MICAL3: variants seen among roughly 807,000 people sequenced by gnomAD.
MICAL3 encodes microtubule associated monooxygenase, calponin and LIM domain containing 3, also known as [F-actin]-monooxygenase MICAL3.
Under a neutral mutation model 207.4 loss-of-function variants are expected in MICAL3, and 62 were observed. That is an observed-to-expected ratio of 0.30 (90% confidence interval 0.24 to 0.37). The LOEUF is 0.37. Among genes scored for constraint, MICAL3 ranks in the 10% least tolerant of loss-of-function variants. MICAL3 has a pLI of 1.00. For synonymous variants in MICAL3, 1,077 were observed against 1,069.3 expected (o/e 1.01, Z -0.14); for missense variants, 2,368 against 2,635.6 (o/e 0.90, Z 2.22).
intron 1 of MICAL3, among the ~76,000 whole-genome samples, chr22:17,943,950 T>A (rs1176063313): frequency 1.3e-5 from 2 of 152,130 alleles, no homozygotes; most frequent in African/African-American, 4.8e-5. Flanking sequence ...AACCTTTCTA[T>A]GGAAAAAAAC....
chr22:17,944,836 G>C (rs1933981168), intron 1 of MICAL3, among the ~76,000 whole-genome samples: 1 of 152,082 alleles, frequency 6.6e-6, no homozygotes, highest in East Asian at 1.9e-4. Flanking sequence ...GCAGCAGATG[G>C]GAGAAGAGGC....
intron 1 of MICAL3, among the ~76,000 whole-genome samples, chr22:18,003,467 C>T (rs1923175249): frequency 6.6e-6 from 1 of 152,162 alleles, no homozygotes; most frequent in Non-Finnish European, 1.5e-5. Context: ...GCAACAAACC[C>T]CACTGCTCAC....
intron 1 of MICAL3, among the ~76,000 whole-genome samples, chr22:17,964,086 T>G (rs1018937564): frequency 6.6e-6 from 1 of 152,220 alleles, no homozygotes; most frequent in African/African-American, 2.4e-5. Flanking sequence ...AAGGTTGGTT[T>G]GCTTCCTAAT....
intron 1 of MICAL3, among the ~76,000 whole-genome samples, chr22:17,977,452 A>G (rs1184547763): frequency 6.6e-6 from 1 of 152,106 alleles, no homozygotes; most frequent in East Asian, 1.9e-4. Flanking sequence ...ACATGAAAGG[A>G]TGCTCAACAT....
intron 1 of MICAL3, among the ~76,000 whole-genome samples, chr22:17,958,563 G>C (rs1272477977): frequency 1.6e-4 from 24 of 152,192 alleles, no homozygotes; most frequent in Non-Finnish European, 2.9e-5. Context: ...CCTCGACAGG[G>C]CAAGCTGAAT....
chr22:17,810,673 G>C (rs1462170430), intron 28 of MICAL3, 30 bp downstream of exon 28: 1 of 1,562,322 alleles, frequency 6.4e-7, no homozygotes, highest in African/African-American at 1.4e-5. Flanking sequence ...TCCCATGCAT[G>C]TGCCCTGGTC....
At chr22:17,842,276 C>T (rs1157160905) in intron 19 of MICAL3, 2 of 529,202 alleles carry the variant, frequency 3.8e-6, no homozygotes, top group South Asian at 2.5e-5. Flanking sequence ...GAACCCGGCC[C>T]CCAGAGGGGA....
chr22:17,900,768 C>A lies in MICAL3; in HGVS notation c.847+74G>T. 1.4e-6 allele frequency: 2 copies of A among 1,412,084 alleles called. No individual in the cohort carries two copies. Among genetic ancestry groups the A allele is most frequent in the South Asian group, 1.2e-5 (1 of 82,950 alleles). 87.5% of individuals were successfully genotyped at this position (1,412,084 alleles called of 1,614,324 possible). A position where few individuals can be genotyped will look rare whatever the true frequency, so the allele number is the denominator to read the frequency against. On this transcript the variant is annotated intron_variant, in intron 6 of 31. Transcript: ENST00000441493. The surrounding 1 kb of genome is among the most constrained non-coding windows in gnomAD (Gnocchi z 4.0). Reference sequence around the variant, plus strand: ...GGGACACCGACGGCCACTCACCCCACCAATCCCCCAAGAAAAAGCCACCAG... The same window carrying A: ...GGGACACCGACGGCCACTCACCCCAACAATCCCCCAAGAAAAAGCCACCAG...
chr22:17,866,656 AATAGAATAGAAT>A (rs1248559178), intron 17 of MICAL3, among the ~76,000 whole-genome samples: 6 of 151,038 alleles, frequency 4.0e-5, no homozygotes, highest in Admixed American at 1.3e-4. Context: ...AATAGAATAG[AATAGAATAGAAT>A]ATAGAATAGA....
chr22:17,902,025 T>G lies in MICAL3; in HGVS notation c.590-46A>C. On this transcript the variant is annotated intron_variant, in intron 4 of 31. Coordinates refer to ENST00000441493, the MANE Select transcript of MICAL3 (RefSeq NM_015241.3). The surrounding 1 kb of genome is among the most constrained non-coding windows in gnomAD (Gnocchi z 4.5). ...AATGGGGGTCACCACCCAGACCACATTCACAGCCAGGACCATCTCTAGATA... is the reference window on the plus strand; with the variant it reads ...AATGGGGGTCACCACCCAGACCACAGTCACAGCCAGGACCATCTCTAGATA... 1 of 1,397,272 alleles carries G rather than the reference T, an allele frequency of 7.2e-7. No individual in the cohort carries two copies. The highest frequency in any genetic ancestry group is 1.0e-6 in the Non-Finnish European group (1 of 998,642). 86.6% of individuals were successfully genotyped at this position (1,397,272 alleles called of 1,614,324 possible).
chr22:17,791,441 C>A, intron 29 of MICAL3, 140 bp from the exon 30 acceptor site: 1 of 745,664 alleles, frequency 1.3e-6, no homozygotes, highest in African/African-American at 1.7e-5. Context: ...CCAAGGTTTG[C>A]CTGCAGCCAT....
chr22:17,865,528 G>T (rs1249518293), intron 18 of MICAL3, among the ~76,000 whole-genome samples: 1 of 152,216 alleles, frequency 6.6e-6, no homozygotes, highest in Non-Finnish European at 1.5e-5. Context: ...GGCCACCGAG[G>T]GATCCTCCCA....
intron 1 of MICAL3, among the ~76,000 whole-genome samples, chr22:17,943,715 G>C (rs1933918302): frequency 6.6e-6 from 1 of 152,168 alleles, no homozygotes. Flanking sequence ...TAGCTTTGCT[G>C]TCTGCTGTTT....
In MICAL3 at chr22:17,874,888, C is replaced by T. The variant is rs776541017; in HGVS notation, c.2242-2865G>A. ...TGCATATGCTACCATGCACATAGGA[C>T]GTGAGGTCTGGCGTCAACTCAGGCA... On this transcript the variant is annotated intron_variant, in intron 16 of 31. Coordinates refer to ENST00000441493, the MANE Select transcript of MICAL3 (RefSeq NM_015241.3). 1.3e-5 allele frequency among the ~76,000 whole-genome samples: 2 copies of T among 152,046 alleles called. 1 individual carries two copies. Among genetic ancestry groups the T allele is most frequent in the South Asian group, 4.2e-4 (2 of 4,804 alleles).
At chr22:17,872,677 C>T (rs1337845124) in intron 16 of MICAL3, 1 of 953,414 alleles carries the variant, frequency 1.0e-6, no homozygotes, top group African/African-American at 1.6e-5. Flanking sequence ...CTATAAGTGA[C>T]TCAGCACACA....
At chr22:17,895,493 C>T in intron 9 of MICAL3, 83 bp from the exon 10 acceptor site, 1 of 1,497,270 alleles carries the variant, frequency 6.7e-7, no homozygotes, top group East Asian at 2.3e-5. Context: ...TCTGACAGCG[C>T]AGCAAGTCAC....
rs372074172 is a variant in MICAL3 at position 17,904,856 on chromosome 22, C to T, written c.265-17G>A. 2.8e-5 allele frequency: 44 copies of T among 1,586,040 alleles called. No homozygotes were observed. In the African/African-American group the frequency reaches 5.6e-4, roughly 20 times the overall value. On this transcript the variant is annotated splice_polypyrimidine_tract_variant and intron_variant, in intron 2 of 31. Coordinates refer to ENST00000441493, the MANE Select transcript of MICAL3 (RefSeq NM_015241.3). ...GATGAGACACTGAAAAACACAGCTG[C>T]TTTCAGGGCAGGCGGCACTTCCAAC...
At chr22:17,858,952 G>A (rs1390438938) in intron 19 of MICAL3, among the ~76,000 whole-genome samples, 1 of 152,182 alleles carries the variant, frequency 6.6e-6, no homozygotes, top group Non-Finnish European at 1.5e-5. Context: ...TAGTTAATTT[G>A]TCACTTATTG....
chr22:18,001,181 G>C (rs1451840310), intron 1 of MICAL3: 1 of 152,086 alleles, frequency 6.6e-6, no homozygotes, highest in African/African-American at 2.4e-5. Context: ...GGTTATAAGC[G>C]CAGCCGGAAG....
Sources: gnomAD v4.1 joint callset for allele counts (sites outside exome capture counted in the v4.1 genomes callset) on GRCh38, gnomAD v4.1.1 for gene constraint, Gnocchi (gnomAD v3.1) non-coding constraint, MANE v1.5 for transcripts, NCBI Gene and HGNC (gene_info 2026-07-23, HGNC 2026-07-21) for gene names.